Variants in RAP1GDS1 observed in about 807,000 individuals in gnomAD.
RAP1GDS1 encodes the protein RAP1, GTP-GDP dissociation stimulator 1.
In RAP1GDS1, 35 loss-of-function variants were observed where a neutral mutation model predicts 71.1. That is an observed-to-expected ratio of 0.49 (90% CI 0.38 to 0.65). The LOEUF (loss-of-function observed/expected upper bound fraction) is 0.65, where lower values mean the gene tolerates loss of function less well. Among genes scored for constraint, RAP1GDS1 ranks in the 30% least tolerant of loss-of-function variants. The pLI, the probability that RAP1GDS1 is intolerant of heterozygous loss-of-function variation, is 0.00. For missense variants in RAP1GDS1, 663 were observed against 706.1 expected, an observed-to-expected ratio of 0.94 and a Z score of 0.69; for synonymous variants, 229 against 243.1, an observed-to-expected ratio of 0.94 and a Z score of 0.54.
rs1156715207 is a variant in RAP1GDS1 at position 98,417,463 on chromosome 4, C to A, written c.1004C>A (p.Ala335Asp). ...TCAAATAACCACCAGCTACAGCTTGCTGGAGCATTGGCAATTGCAAATTTT... is the reference window on the plus strand; with the variant it reads ...TCAAATAACCACCAGCTACAGCTTGATGGAGCATTGGCAATTGCAAATTTT... The part of the protein sequence containing the change: ...IPSNNHQLQL[A>D]GALAIANFAR... The change falls in exon 9 of 15, where the codon GCT (alanine) becomes GAT (aspartate). Residue 335 changes from alanine (A) to aspartate (D), a missense_variant. Coordinates refer to ENST00000408927, the MANE Select transcript of RAP1GDS1 (RefSeq NM_001100427.2). 6.2e-7 allele frequency: 1 copy of A among 1,613,848 alleles called. No homozygotes were observed. Among genetic ancestry groups the A allele is most frequent in the Non-Finnish European group, 8.5e-7 (1 of 1,179,816 alleles).
intron 12 of RAP1GDS1, among the ~76,000 whole-genome samples, chr4:98,427,322 A>C (rs1749754902): frequency 6.6e-6 from 1 of 152,118 alleles, no homozygotes; most frequent in Non-Finnish European, 1.5e-5. Context: ...AAGGATGCCC[A>C]CTCTCACCAC....
intron 6 of RAP1GDS1, among the ~76,000 whole-genome samples, chr4:98,402,678 A>G (rs1745604645): frequency 6.6e-6 from 1 of 152,136 alleles, no homozygotes; most frequent in Non-Finnish European, 1.5e-5. Flanking sequence ...TAAATTTGCA[A>G]ATTTCTTACT....
intron 7 of RAP1GDS1, among the ~76,000 whole-genome samples, chr4:98,413,471 T>A (rs1747401685): frequency 6.6e-6 from 1 of 151,570 alleles, no homozygotes; most frequent in Non-Finnish European, 1.5e-5. Context: ...ATATGCAGTG[T>A]TTGGTTTTTG....
At chr4:98,425,446 A>G (rs1035997314) in intron 12 of RAP1GDS1, among the ~76,000 whole-genome samples, 5 of 152,218 alleles carry the variant, frequency 3.3e-5, no homozygotes, top group African/African-American at 1.2e-4. Context: ...ACAGAATTGC[A>G]GAATAGATAA....
At chr4:98,425,686 AATAT>A (rs1181597073) in intron 12 of RAP1GDS1, among the ~76,000 whole-genome samples, 1 of 152,192 alleles carries the variant, frequency 6.6e-6, no homozygotes, top group South Asian at 2.1e-4. Context: ...CACAATCCTG[AATAT>A]ATATGCACCA....
chr4:98,312,347 T>G (rs1284382959), intron 2 of RAP1GDS1, among the ~76,000 whole-genome samples: 1 of 152,188 alleles, frequency 6.6e-6, no homozygotes, highest in African/African-American at 2.4e-5. Flanking sequence ...TGGAAGACAC[T>G]TTTTAATGTT....
At chr4:98,366,834 A>G (rs1228541892) in intron 4 of RAP1GDS1, among the ~76,000 whole-genome samples, 1 of 152,236 alleles carries the variant, frequency 6.6e-6, no homozygotes, top group African/African-American at 2.4e-5. Flanking sequence ...GCAGCAAAGC[A>G]TTCAAGAGGT....
At chr4:98,299,565 C>T (rs186559536) in intron 2 of RAP1GDS1, among the ~76,000 whole-genome samples, 3 of 151,254 alleles carry the variant, frequency 2.0e-5, no homozygotes, top group Admixed American at 6.6e-5. Context: ...TATAATCTCA[C>T]GATAAAACTT....
chr4:98,405,141 A>C (rs1016500983), intron 7 of RAP1GDS1, among the ~76,000 whole-genome samples: 2 of 152,202 alleles, frequency 1.3e-5, no homozygotes, highest in Admixed American at 6.5e-5. Context: ...GTAGGCAGCA[A>C]ATCTTCAGAT....
intron 4 of RAP1GDS1, 132 bp downstream of exon 4, chr4:98,352,733 T>A: frequency 1.3e-6 from 1 of 775,912 alleles, no homozygotes; most frequent in Non-Finnish European, 1.9e-6. Flanking sequence ...CAGCACTGCT[T>A]ATTTAGCAGA....
Position 98,293,470 on chromosome 4 carries a change from T to G in RAP1GDS1, c.67T>G (p.Leu23Val). Residue 23 changes from leucine to valine, a missense_variant, in exon 2 of 15, where the codon TTA becomes GTA. Leu to Val is a conservative substitution (Grantham distance 32). Transcript: ENST00000408927. Reference sequence around the variant, plus strand: ...AGCTGTTGACAAGACTGAGGATAGTTTAGAAGGATGCTTGGATTGTCTGCT... The same window carrying G: ...AGCTGTTGACAAGACTGAGGATAGTGTAGAAGGATGCTTGGATTGTCTGCT... ...ITAVDKTEDS[L>V]EGCLDCLLQA... 1 of 1,610,978 alleles carries G rather than the reference T, an allele frequency of 6.2e-7. No individual in the cohort carries two copies. Among genetic ancestry groups the G allele is most frequent in the Non-Finnish European group, 8.5e-7 (1 of 1,178,912 alleles).
chr4:98,373,505 G>T (rs1231164799), intron 4 of RAP1GDS1, among the ~76,000 whole-genome samples: 2 of 151,510 alleles, frequency 1.3e-5, no homozygotes, highest in African/African-American at 4.9e-5. Flanking sequence ...AGCTTTAATA[G>T]ATTTGTAGCA....
rs1056832313 is a variant in RAP1GDS1 at position 98,358,881 on chromosome 4, C to T, written c.361+6280C>T. Among the ~76,000 whole-genome samples, 8 of 151,552 alleles carry T rather than the reference C, an allele frequency of 5.3e-5. No homozygotes were observed. In the South Asian group the frequency reaches 1.2e-3, roughly 24 times the overall value. On this transcript the variant is annotated intron_variant, in intron 4 of 14. Transcript: ENST00000408927. ...AGGCTGGATAAAGGGTACATGAGAC[C>T]TTTCTGTGCTTTTTTTTTTTAAATA...
intron 1 of RAP1GDS1, among the ~76,000 whole-genome samples, chr4:98,292,605 T>A (rs1727134905): frequency 6.6e-6 from 1 of 152,152 alleles, no homozygotes; most frequent in Non-Finnish European, 1.5e-5. Flanking sequence ...CTTGCTAAAT[T>A]TTTTTGTTAG....
intron 1 of RAP1GDS1, among the ~76,000 whole-genome samples, chr4:98,283,865 G>T (rs1297802669): frequency 7.0e-6 from 1 of 142,918 alleles, no homozygotes; most frequent in Non-Finnish European, 1.5e-5. Flanking sequence ...TACATAGACA[G>T]TTGTTACCTA....
intron 13 of RAP1GDS1, 34 bp downstream of exon 13, chr4:98,434,096 A>C: frequency 1.2e-6 from 2 of 1,605,036 alleles, no homozygotes; most frequent in South Asian, 1.1e-5. Flanking sequence ...ATTTTCTTCT[A>C]TTTTTATCTT....
At chr4:98,304,140 A>AGTGC (rs202002559) in intron 2 of RAP1GDS1, among the ~76,000 whole-genome samples, 3,558 of 152,300 alleles carry the variant, frequency 0.023, 61 homozygotes, top group Non-Finnish European at 0.034. Flanking sequence ...TATTGTGAAC[A>AGTGC]GTGCTGCAGT....
intron 1 of RAP1GDS1, among the ~76,000 whole-genome samples, chr4:98,266,570 A>G (rs1047039737): frequency 1.3e-5 from 2 of 152,158 alleles, no homozygotes; most frequent in Non-Finnish European, 2.9e-5. Flanking sequence ...GATCTTTGCA[A>G]GTCTAGGCAG....
rs192414107 is a variant in RAP1GDS1 at position 98,320,409 on chromosome 4, C to G, written c.113-22730C>G. ...GAAAATGTCCCCGTTACGTGATTCT[C>G]TTTTCAGAATGATTCAGTGTAGGGG... On this transcript the variant is annotated intron_variant, in intron 2 of 14. Coordinates refer to ENST00000408927, the MANE Select transcript of RAP1GDS1 (RefSeq NM_001100427.2). Among the ~76,000 whole-genome samples the G allele has an allele frequency of 8.5e-5, 13 of 152,234 alleles. No homozygotes were observed. The East Asian group carries it at 2.3e-3, about 27-fold the overall frequency.
Sources: allele counts gnomAD v4.1 joint callset (sites outside exome capture counted in the v4.1 genomes callset), GRCh38; gene constraint gnomAD v4.1.1; transcripts MANE v1.5; gene names NCBI Gene and HGNC (gene_info 2026-07-23, HGNC 2026-07-21).